The following GRB2 variants were observed in gnomAD, a reference collection of about 807,000 sequenced individuals.
GRB2 encodes the protein growth factor receptor bound protein 2, also known as growth factor receptor-bound protein 2.
GRB2 carries 2 observed loss-of-function variants against 27.4 expected under a neutral mutation model. That is an observed-to-expected ratio of 0.07 (90% CI 0.03 to 0.23). The LOEUF is 0.23. GRB2 is among the 10% of genes least tolerant of loss of function. The pLI, the probability that GRB2 is intolerant of heterozygous loss-of-function variation, is 1.00. For missense variants in GRB2, 102 were observed against 282.4 expected, an observed-to-expected ratio of 0.36 and a Z score of 4.58; for synonymous variants, 94 against 99.6, an observed-to-expected ratio of 0.94 and a Z score of 0.33.
intron 2 of GRB2, among the ~76,000 whole-genome samples, chr17:75,370,705 C>T (rs1028723348): frequency 1.3e-5 from 2 of 152,212 alleles, no homozygotes; most frequent in African/African-American, 4.8e-5. Flanking sequence ...CTTCAGTCCT[C>T]TGCAAAGCTG....
intron 2 of GRB2, among the ~76,000 whole-genome samples, chr17:75,353,133 C>T (rs1220510586): frequency 2.7e-5 from 4 of 147,932 alleles, no homozygotes; most frequent in East Asian, 4.0e-4. Context: ...TGCAGTGAGC[C>T]GAGATCGCGC....
chr17:75,384,938 C>T (rs1469371558), intron 2 of GRB2, among the ~76,000 whole-genome samples: 6 of 140,062 alleles, frequency 4.3e-5, no homozygotes, highest in Admixed American at 7.8e-5. Context: ...TAGCTCATGT[C>T]GGTAATCCCA....
Position 75,320,386 on chromosome 17 carries a change from G to C in GRB2, c.636C>G (p.Pro212=). The C allele has an allele frequency of 6.2e-7, 1 of 1,613,710 alleles. No homozygotes were observed. The highest frequency in any genetic ancestry group is 8.5e-7 in the Non-Finnish European group (1 of 1,179,642). Residue 212 remains proline, a synonymous_variant, in exon 6 of 6, where the codon CCC becomes CCG. Coordinates refer to ENST00000316804, the MANE Select transcript of GRB2 (RefSeq NM_002086.5). The surrounding 1 kb of genome is among the most constrained non-coding windows in gnomAD (Gnocchi z 4.3). ...TTGACTCTTAGACGTTCCGGTTCAC[G>C]GGGGTGACATAATTGCGGGGAAACA... ...TGMFPRNYVT[P]VNRNV
chr17:75,391,637 T>C (rs529804543), intron 2 of GRB2, among the ~76,000 whole-genome samples: 1 of 152,008 alleles, frequency 6.6e-6, no homozygotes, highest in Non-Finnish European at 1.5e-5. Flanking sequence ...TGAAATCCCA[T>C]CTCCACTAAA....
chr17:75,361,513 T>C (rs1213567047), intron 2 of GRB2, among the ~76,000 whole-genome samples: 1 of 152,182 alleles, frequency 6.6e-6, no homozygotes, highest in Admixed American at 6.5e-5. Context: ...GCGTAATTTA[T>C]CAGGAAACAC....
intron 2 of GRB2, among the ~76,000 whole-genome samples, chr17:75,385,014 A>T (rs1375629072): frequency 2.6e-5 from 3 of 115,386 alleles, no homozygotes; most frequent in African/African-American, 1.0e-4. Flanking sequence ...CAACAGTGAG[A>T]CCTCCTGGCT....
At chr17:75,347,425 T>C (rs532393047) in intron 2 of GRB2, among the ~76,000 whole-genome samples, 1 of 152,220 alleles carries the variant, frequency 6.6e-6, no homozygotes, top group Admixed American at 6.5e-5. Context: ...CATCTTTGAG[T>C]GGTGCCTTTG....
At chr17:75,325,849 G>T in intron 4 of GRB2, 49 bp downstream of exon 4, 1 of 1,602,022 alleles carries the variant, frequency 6.2e-7, no homozygotes, top group Non-Finnish European at 8.5e-7. Context: ...TTCACAATTT[G>T]GATCAGTCAG....
chr17:75,320,275 C>CT lies in GRB2; in HGVS notation c.*92dup. 1 of 1,145,582 alleles carries CT rather than the reference C, an allele frequency of 8.7e-7. No homozygotes were observed. The allele number at this position is 1,145,582 out of a possible 1,614,324, so 71.0% of individuals were successfully genotyped here. On this transcript the variant is annotated 3_prime_UTR_variant, in exon 6 of 6. Transcript: ENST00000316804. The surrounding 1 kb of genome is among the most constrained non-coding windows in gnomAD (Gnocchi z 4.3). ...GACCCGGCCAGGTGTTCTGCACTCCCTCACAGGCTGCTGTCAGAGGCAGCT... is the reference window on the plus strand; with the variant it reads ...GACCCGGCCAGGTGTTCTGCACTCCCTTCACAGGCTGCTGTCAGAGGCAGCT...
chr17:75,327,617 C>T (rs1323378313), intron 3 of GRB2, among the ~76,000 whole-genome samples: 1 of 151,948 alleles, frequency 6.6e-6, no homozygotes, highest in African/African-American at 2.4e-5. Flanking sequence ...GATCTGCCCG[C>T]CTCAGCCTCC....
At chr17:75,402,896 A>G (rs1261331457) in intron 1 of GRB2, among the ~76,000 whole-genome samples, 2 of 151,562 alleles carry the variant, frequency 1.3e-5, no homozygotes, top group African/African-American at 2.4e-5. Context: ...ACCAACATGG[A>G]GAAACCCTGT....
At chr17:75,347,723 C>G (rs1265197556) in intron 2 of GRB2, among the ~76,000 whole-genome samples, 1 of 152,156 alleles carries the variant, frequency 6.6e-6, no homozygotes, top group African/African-American at 2.4e-5. Context: ...TGGGGCATAC[C>G]CAGCCCAGCC....
At chr17:75,392,305 A>T (rs1189261451) in intron 2 of GRB2, among the ~76,000 whole-genome samples, 1 of 152,218 alleles carries the variant, frequency 6.6e-6, no homozygotes, top group Non-Finnish European at 1.5e-5. Flanking sequence ...TGTCACAAAC[A>T]CAGCTTTGAA....
rs1317569296 is a variant in GRB2, at chr17:75,320,199, C to G, written c.*169G>C. ...TAAGTTTTGGCATTTTTAAATCCAA[C>G]GCCCCCTCCCACCCCCTAAAGTTCC... On this transcript the variant is annotated 3_prime_UTR_variant, in exon 6 of 6. Coordinates refer to ENST00000316804, the MANE Select transcript of GRB2 (RefSeq NM_002086.5). The surrounding 1 kb of genome is among the most constrained non-coding windows in gnomAD (Gnocchi z 4.3). 3.5e-6 allele frequency: 2 copies of G among 572,328 alleles called. No individual in the cohort carries two copies. The highest frequency in any genetic ancestry group is 6.3e-6 in the Non-Finnish European group (2 of 316,302). The allele number at this position is 572,328 out of a possible 1,614,324, so 35.5% of individuals were successfully genotyped here.
chr17:75,330,551 G>C (rs1272036681), intron 3 of GRB2, among the ~76,000 whole-genome samples: 1 of 152,104 alleles, frequency 6.6e-6, no homozygotes, highest in East Asian at 1.9e-4. Flanking sequence ...GCACGCGCCT[G>C]TAGTCCCAGC....
At chr17:75,400,483 T>C (rs2079056780) in intron 1 of GRB2, among the ~76,000 whole-genome samples, 1 of 151,782 alleles carries the variant, frequency 6.6e-6, no homozygotes, top group African/African-American at 2.4e-5. Flanking sequence ...CATGCTCCTT[T>C]TTTCTTTCTG....
intron 2 of GRB2, among the ~76,000 whole-genome samples, chr17:75,344,044 A>C (rs574044024): frequency 6.6e-6 from 1 of 152,290 alleles, no homozygotes; most frequent in East Asian, 1.9e-4. Flanking sequence ...CAGTGTGACG[A>C]ATGTCAGGAG....
At chr17:75,346,031 A>AG in intron 2 of GRB2, among the ~76,000 whole-genome samples, 1 of 152,116 alleles carries the variant, frequency 6.6e-6, no homozygotes, top group East Asian at 1.9e-4. Context: ...GCTGACTGTG[A>AG]GATGAACTGC....
chr17:75,376,765 G>C lies in GRB2; in HGVS notation c.78+16786C>G, dbSNP rs1267197362. 2.6e-5 allele frequency among the ~76,000 whole-genome samples: 4 copies of C among 152,100 alleles called. No homozygotes were observed. The East Asian group carries it at 7.7e-4, about 29-fold the overall frequency. On this transcript the variant is annotated intron_variant, in intron 2 of 5. Coordinates refer to ENST00000316804, the MANE Select transcript of GRB2 (RefSeq NM_002086.5). ...ATCTGTAATCCCAGCACTTTGGGAGGCCAAGGTGAGAGGATCCCTTAATCC... is the reference window on the plus strand; with the variant it reads ...ATCTGTAATCCCAGCACTTTGGGAGCCCAAGGTGAGAGGATCCCTTAATCC...
Sources: gnomAD v4.1 joint callset for allele counts (sites outside exome capture counted in the v4.1 genomes callset) on GRCh38, gnomAD v4.1.1 for gene constraint, Gnocchi (gnomAD v3.1) non-coding constraint, MANE v1.5 for transcripts, NCBI Gene and HGNC (gene_info 2026-07-23, HGNC 2026-07-21) for gene names.